Variants in HELZ observed in about 807,000 individuals in gnomAD.
HELZ encodes ATP-dependent RNA helicase with zinc finger domain.
A neutral mutation model predicts 218.2 loss-of-function variants in HELZ; 23 were observed. The ratio of observed to expected loss-of-function variants is 0.11; its 90% CI spans 0.08 to 0.15. HELZ has a LOEUF of 0.15. HELZ is among the 10% of genes least tolerant of loss of function. HELZ has a pLI of 1.00. For synonymous variants in HELZ, 814 were observed against 829.4 expected, an observed-to-expected ratio of 0.98 and a Z score of 0.32; for missense variants, 1,813 against 2,353.7, an observed-to-expected ratio of 0.77 and a Z score of 4.75.
intron 21 of HELZ, among the ~76,000 whole-genome samples, chr17:67,144,687 C>T (rs1393783634): frequency 1.3e-5 from 2 of 151,980 alleles, no homozygotes; most frequent in Non-Finnish European, 1.5e-5. Flanking sequence ...CCTGATGTCA[C>T]CGCAGGGCCA....
chr17:67,125,325 T>C (rs55689546), intron 24 of HELZ, among the ~76,000 whole-genome samples: 4 of 47,388 alleles, frequency 8.4e-5, no homozygotes, highest in South Asian at 1.2e-3. Context: ...TATATATATA[T>C]ATATATATAT....
chr17:67,150,223 G>A (rs147483836), intron 18 of HELZ: 93 of 273,160 alleles, frequency 3.4e-4, no homozygotes, highest in African/African-American at 2.3e-3. Flanking sequence ...CTGTAGCCTC[G>A]GGCTCAGGTG....
rs2037214961 is a variant in HELZ at position 67,109,542 on chromosome 17, T to C, written c.4063A>G (p.Ile1355Val). Residue 1355 changes from isoleucine (I) to valine (V), a missense_variant, in exon 29 of 33, where the codon ATC becomes GTC. By Grantham distance (29) the Ile-to-Val change is conservative (BLOSUM62 3). Around this residue, in one of 4 missense-constraint regions of HELZ, gnomAD observed 938 missense variants for 1,027.5 expected, o/e 0.91. Coordinates refer to ENST00000358691, the MANE Select transcript of HELZ (RefSeq NM_014877.4). ...AGGGGATGAAAGTGGCGATTAGGGA[T>C]TGCATACTGTGCGTGGGGAGCAGGA... ...PLPAPHAQYA[I>V]PNRHFHPLPQ... 3 of 1,614,132 alleles carry C rather than the reference T, an allele frequency of 1.9e-6. No homozygotes were observed. The highest frequency in any genetic ancestry group is 1.3e-5 in the African/African-American group (1 of 75,034).
chr17:67,146,965 T>C (rs2038516357), intron 20 of HELZ, among the ~76,000 whole-genome samples: 1 of 152,170 alleles, frequency 6.6e-6, no homozygotes, highest in African/African-American at 2.4e-5. Context: ...CACTGAGTTG[T>C]TGAGATATAT....
At chr17:67,209,811 C>T (rs911243997) in intron 5 of HELZ, among the ~76,000 whole-genome samples, 3 of 152,162 alleles carry the variant, frequency 2.0e-5, no homozygotes, top group African/African-American at 7.2e-5. Flanking sequence ...GACTAAATAA[C>T]ATATTTCAGA....
intron 1 of HELZ, chr17:67,244,896 C>T (rs1201369995): frequency 1.0e-6 from 1 of 985,818 alleles, no homozygotes; most frequent in Non-Finnish European, 1.2e-6. Flanking sequence ...GGGCCCAGGA[C>T]GCTGCGGGCC....
In HELZ at chr17:67,123,098, G is replaced by A; in HGVS notation, c.3502C>T (p.Leu1168Phe). 1 of 1,613,636 alleles carries A rather than the reference G, an allele frequency of 6.2e-7. No individual in the cohort carries two copies. Among genetic ancestry groups the A allele is most frequent in the Non-Finnish European group, 8.5e-7 (1 of 1,179,538 alleles). Residue 1168 changes from leucine to phenylalanine, a missense_variant, in exon 26 of 33, where the codon CTT becomes TTT. By Grantham distance (22) the Leu-to-Phe change is conservative. Transcript: ENST00000358691. ...PIRAYTPPPP[L>F]GPHPNLGKSP... ...TTTCCCAAATTTGGGTGAGGTCCAA[G>A]AGGGGGTGGAGGAGTATATGCTCTA...
chr17:67,211,443 T>C (rs893817740), intron 5 of HELZ, among the ~76,000 whole-genome samples: 3 of 152,238 alleles, frequency 2.0e-5, no homozygotes, highest in Admixed American at 6.5e-5. Flanking sequence ...TATTCTTAAA[T>C]ATTTCAGAAA....
chr17:67,176,983 T>C (rs977664043), intron 13 of HELZ, among the ~76,000 whole-genome samples: 4 of 77,156 alleles, frequency 5.2e-5, no homozygotes, highest in South Asian at 3.4e-4. Context: ...CAGTTTCTCT[T>C]TTTTTTTTTT....
chr17:67,138,147 G>A (rs1235395392), intron 21 of HELZ, 33 bp from the exon 22 acceptor site: 1 of 1,492,412 alleles, frequency 6.7e-7, no homozygotes. Context: ...ACATATTAAA[G>A]TTATCACCAA....
chr17:67,228,002 T>TG (rs1258048045), intron 3 of HELZ, among the ~76,000 whole-genome samples: 2 of 152,214 alleles, frequency 1.3e-5, no homozygotes, highest in African/African-American at 4.8e-5. Context: ...AAATTCAAGA[T>TG]GATTTCTGCA....
At chr17:67,162,996 A>C (rs1368399760) in intron 15 of HELZ, among the ~76,000 whole-genome samples, 1 of 152,208 alleles carries the variant, frequency 6.6e-6, no homozygotes, top group East Asian at 1.9e-4. Context: ...TCAGTTCAGT[A>C]AACTGCTACT....
At chr17:67,244,547 T>C (rs1191072480) in intron 1 of HELZ, 3 of 937,032 alleles carry the variant, frequency 3.2e-6, no homozygotes, top group Admixed American at 6.7e-5. Context: ...TTTGTTGATG[T>C]GCTTGTGGGC....
rs571792246 is a variant in HELZ at position 67,230,364 on chromosome 17, G to A, written c.-19+9069C>T. 9.2e-5 allele frequency among the ~76,000 whole-genome samples: 14 copies of A among 152,180 alleles called. No individual in the cohort carries two copies. The South Asian group carries it at 1.5e-3, about 16-fold the overall frequency. On this transcript the variant is annotated intron_variant, in intron 3 of 32. Coordinates refer to ENST00000358691, the MANE Select transcript of HELZ (RefSeq NM_014877.4). ...TGTAATCCCAGCACTTTGGGAGGCC[G>A]AGGCAGGCGGATCACGAGGTCAAGA...
intron 7 of HELZ, 72 bp from the exon 8 acceptor site, chr17:67,195,542 C>T: frequency 1.2e-6 from 1 of 833,998 alleles, no homozygotes; most frequent in East Asian, 2.5e-5. Context: ...TGAACATTTT[C>T]AATATTAAAA....
rs1244798710 is a variant in HELZ, at chr17:67,108,715, C to T, written c.4501G>A (p.Gly1501Arg). 1 of 1,588,466 alleles carries T rather than the reference C, an allele frequency of 6.3e-7. No individual in the cohort carries two copies. ...CTTAATGTTTCCAGAGCGACACTCCCATGTATACGATCTGCAAAAATATTT... is the reference window on the plus strand; with the variant it reads ...CTTAATGTTTCCAGAGCGACACTCCTATGTATACGATCTGCAAAAATATTT... ...PIGEALDRIH[G>R]SVALETLRQQ... is the part of the protein sequence containing the mutation. The change falls in exon 30 of 33, where the codon GGG becomes AGG. Residue 1501 changes from glycine (G) to arginine (R), a missense_variant. Physicochemically the swap from Gly to Arg is moderately radical, Grantham distance 125. Transcript: ENST00000358691. This position sits in a 1 kb window ranked among gnomAD's most constrained non-coding sequence, Gnocchi z 4.1.
intron 17 of HELZ, among the ~76,000 whole-genome samples, chr17:67,155,218 T>C (rs1012791417): frequency 1.3e-5 from 2 of 152,110 alleles, no homozygotes; most frequent in African/African-American, 2.4e-5. Context: ...TGGGATCTAA[T>C]ATAGGAGAGA....
At chr17:67,161,742 TCA>T (rs1185204570) in intron 15 of HELZ, among the ~76,000 whole-genome samples, 1 of 152,212 alleles carries the variant, frequency 6.6e-6, no homozygotes, top group Non-Finnish European at 1.5e-5. Context: ...AGAACACCTG[TCA>T]CAGTCGCACA....
At chr17:67,115,339 G>A (rs1385558849) in intron 27 of HELZ, among the ~76,000 whole-genome samples, 1 of 151,826 alleles carries the variant, frequency 6.6e-6, no homozygotes, top group East Asian at 1.9e-4. Context: ...CTAATATATG[G>A]GTAATTAGAA....
Sources: allele counts gnomAD v4.1 joint callset (sites outside exome capture counted in the v4.1 genomes callset), GRCh38; gene constraint gnomAD v4.1.1; regional missense constraint gnomAD v4.1.1; non-coding constraint Gnocchi (gnomAD v3.1); transcripts MANE v1.5; gene names NCBI Gene and HGNC (gene_info 2026-07-23, HGNC 2026-07-21).